ADAMTS17: variants seen among roughly 807,000 people sequenced by gnomAD.
ADAMTS17 encodes the protein A disintegrin and metalloproteinase with thrombospondin motifs 17.
A neutral mutation model predicts 141.5 loss-of-function variants in ADAMTS17; 113 were observed. The observed-to-expected ratio is 0.80, with a 90% CI of 0.69 to 0.93. ADAMTS17 has a LOEUF of 0.93. Ranked by LOEUF, ADAMTS17 falls within the 40% of genes least tolerant of loss-of-function variation. The probability of loss-of-function intolerance (pLI) is 0.00; values close to 1 mark genes in which losing one functional copy is unlikely to be tolerated. For missense variants in ADAMTS17, 1,659 were observed against 1,517.9 expected, an observed-to-expected ratio of 1.09 and a Z score of -1.54; for synonymous variants, 768 against 630.6, an observed-to-expected ratio of 1.22 and a Z score of -3.27.
chr15:100,090,332 C>T (rs1048282481), intron 15 of ADAMTS17, among the ~76,000 whole-genome samples: 5 of 152,236 alleles, frequency 3.3e-5, no homozygotes, highest in African/African-American at 1.2e-4. Context: ...GGGGGATGAG[C>T]TGTTCTTGAA....
In ADAMTS17 at chr15:100,232,382, C is replaced by T. The variant is rs189289122; in HGVS notation, c.1075+21754G>A. On this transcript the variant is annotated intron_variant, in intron 7 of 21. Transcript: ENST00000268070. The stretch of plus-strand genomic sequence containing the variant: ...GTGAGGTTCAAGTCCCGGGTATCGA[C>T]CCATCATCCCTGGGCTCTGAAAGCC... Among the ~76,000 whole-genome samples, 176 of 152,360 alleles carry T rather than the reference C, an allele frequency of 1.2e-3. 1 individual carries two copies. The highest frequency in any genetic ancestry group is 5.2e-3 in the Admixed American group (80 of 15,308).
intron 14 of ADAMTS17, among the ~76,000 whole-genome samples, chr15:100,097,573 C>T (rs978307068): frequency 1.3e-5 from 2 of 152,246 alleles, no homozygotes; most frequent in African/African-American, 4.8e-5. Flanking sequence ...GTGCCTGGCC[C>T]CACAACTCCC....
At chr15:100,340,585 G>A (rs542295300) in intron 2 of ADAMTS17, among the ~76,000 whole-genome samples, 1 of 152,312 alleles carries the variant, frequency 6.6e-6, no homozygotes, top group African/African-American at 2.4e-5. Context: ...AAGGAAGGGA[G>A]GTGAATGCCC....
intron 2 of ADAMTS17, among the ~76,000 whole-genome samples, chr15:100,335,680 C>A (rs2046187855): frequency 6.6e-6 from 1 of 152,216 alleles, no homozygotes; most frequent in Non-Finnish European, 1.5e-5. Context: ...GGAGAAGCGG[C>A]CTGTTTTTAA....
chr15:100,151,786 T>G (rs532952841), intron 10 of ADAMTS17, among the ~76,000 whole-genome samples: 1 of 152,288 alleles, frequency 6.6e-6, no homozygotes, highest in Admixed American at 6.5e-5. Flanking sequence ...GCTACACAGA[T>G]GGCCACAGGC....
intron 2 of ADAMTS17, among the ~76,000 whole-genome samples, chr15:100,338,813 G>A (rs1170883978): frequency 6.6e-6 from 1 of 152,058 alleles, no homozygotes; most frequent in Non-Finnish European, 1.5e-5. Flanking sequence ...ACAGTCAAGA[G>A]GGACTAACAC....
intron 7 of ADAMTS17, among the ~76,000 whole-genome samples, chr15:100,241,555 TGCCAGTTCTGTGGACAACCTCA>T (rs1178877802): frequency 1.1e-4 from 16 of 152,234 alleles, no homozygotes; most frequent in Non-Finnish European, 1.8e-4. Flanking sequence ...GGGCCATGGC[TGCCAGTTCTGTGGACAACCTCA>T]GCCAGTCGGC....
chr15:100,261,723 AGG>A, intron 5 of ADAMTS17, 87 bp from the exon 6 acceptor site: 1 of 1,446,888 alleles, frequency 6.9e-7, no homozygotes, highest in East Asian at 2.4e-5. Flanking sequence ...GTTAAGGTGG[AGG>A]CAGTCACTCA....
At chr15:100,093,228 G>C (rs1180389080) in intron 15 of ADAMTS17, among the ~76,000 whole-genome samples, 1 of 152,192 alleles carries the variant, frequency 6.6e-6, no homozygotes, top group Non-Finnish European at 1.5e-5. Context: ...ATTTGGCTCT[G>C]CTGGGCTGGA....
intron 18 of ADAMTS17, among the ~76,000 whole-genome samples, chr15:100,013,066 G>A (rs149591160): frequency 0.014 from 2,150 of 152,094 alleles, 45 homozygotes; most frequent in African/African-American, 0.047. Flanking sequence ...TTCTTTCAGC[G>A]GTGTTTTATA....
intron 7 of ADAMTS17, among the ~76,000 whole-genome samples, chr15:100,219,190 G>A (rs552366908): frequency 1.3e-5 from 2 of 152,208 alleles, no homozygotes; most frequent in Non-Finnish European, 2.9e-5. Context: ...GGGGACAAGA[G>A]TGTTGACAGG....
At chr15:100,134,298 T>G (rs1040208827) in intron 10 of ADAMTS17, among the ~76,000 whole-genome samples, 1 of 152,196 alleles carries the variant, frequency 6.6e-6, no homozygotes, top group Non-Finnish European at 1.5e-5. Flanking sequence ...CCTCACCCCC[T>G]CACAGTGCTT....
At chr15:100,046,148 T>A (rs1021427592) in intron 18 of ADAMTS17, among the ~76,000 whole-genome samples, 1 of 152,246 alleles carries the variant, frequency 6.6e-6, no homozygotes, top group African/African-American at 2.4e-5. Context: ...CCCAAAGTGC[T>A]GGGATTACAG....
At chr15:100,149,713 G>C (rs1017675401) in intron 10 of ADAMTS17, among the ~76,000 whole-genome samples, 1 of 152,196 alleles carries the variant, frequency 6.6e-6, no homozygotes, top group Non-Finnish European at 1.5e-5. Flanking sequence ...CCTGAGTCAG[G>C]AGTAAGAACC....
chr15:100,254,690 T>G (rs2141965456), intron 6 of ADAMTS17, among the ~76,000 whole-genome samples: 1 of 152,328 alleles, frequency 6.6e-6, no homozygotes, highest in East Asian at 1.9e-4. Flanking sequence ...TCATGTTCTT[T>G]GCAGGGACAT....
Position 100,281,379 on chromosome 15 carries a change from G to T in ADAMTS17, c.639C>A (p.Gly213=), listed in dbSNP as rs1260484378. Residue 213 remains glycine, a synonymous_variant, in exon 4 of 22, where the codon GGC becomes GGA. Transcript: ENST00000268070. ...VLTEKKKPTW[G]RPSRDWRERR... ...GCTCCCGCCAGTCCCGCGAAGGCCT[G>T]CCCCACGTCGGCTTCTTCTTTTCTA... The T allele has an allele frequency of 1.2e-6, 2 of 1,612,534 alleles. No homozygotes were observed. The highest frequency in any genetic ancestry group is 8.5e-7 in the Non-Finnish European group (1 of 1,179,914).
intron 3 of ADAMTS17, among the ~76,000 whole-genome samples, chr15:100,285,367 C>A (rs2142097201): frequency 6.6e-6 from 1 of 152,194 alleles, no homozygotes; most frequent in African/African-American, 2.4e-5. Flanking sequence ...ACTTTGAAAA[C>A]TGAAAAAATA....
chr15:100,199,946 A>G (rs1411995231), intron 7 of ADAMTS17, among the ~76,000 whole-genome samples: 1 of 152,220 alleles, frequency 6.6e-6, no homozygotes, highest in African/African-American at 2.4e-5. Flanking sequence ...CCCGGGCGTG[A>G]GCCGGGGTCT....
chr15:100,334,276 G>A (rs1178914194), intron 2 of ADAMTS17, among the ~76,000 whole-genome samples: 1 of 152,212 alleles, frequency 6.6e-6, no homozygotes, highest in African/African-American at 2.4e-5. Flanking sequence ...TAAGATAACA[G>A]AGAACGTCTG....
Sources: allele counts gnomAD v4.1 joint callset (sites outside exome capture counted in the v4.1 genomes callset), GRCh38; gene constraint gnomAD v4.1.1; transcripts MANE v1.5; gene names NCBI Gene and HGNC (gene_info 2026-07-23, HGNC 2026-07-21).